VPS13B: variants seen among roughly 807,000 people sequenced by gnomAD.
VPS13B encodes vacuolar protein sorting 13 homolog B, also known as intermembrane lipid transfer protein VPS13B.
A neutral mutation model predicts 426.4 loss-of-function variants in VPS13B; 285 were observed. The observed-to-expected ratio is 0.67, with a 90% CI of 0.61 to 0.74. The LOEUF (loss-of-function observed/expected upper bound fraction) is 0.74, where lower values mean the gene tolerates loss of function less well. Among genes scored for constraint, VPS13B ranks in the 30% least tolerant of loss-of-function variants. The probability of loss-of-function intolerance (pLI) is 0.00; values close to 1 mark genes in which losing one functional copy is unlikely to be tolerated. For synonymous variants in VPS13B, 1,676 were observed against 1,676.4 expected (o/e 1.00, Z 0.01); for missense variants, 4,537 against 4,782.6 (o/e 0.95, Z 1.51).
intron 40 of VPS13B, among the ~76,000 whole-genome samples, chr8:99,770,213 G>T (rs1450867527): frequency 6.6e-6 from 1 of 152,084 alleles, no homozygotes. Flanking sequence ...CTAATGGTTT[G>T]CTTGATCATA....
At chr8:99,733,846 AC>A (rs1006675850) in intron 39 of VPS13B, among the ~76,000 whole-genome samples, 2 of 151,228 alleles carry the variant, frequency 1.3e-5, no homozygotes, top group African/African-American at 4.9e-5. Flanking sequence ...TTTAGCAGCA[AC>A]CTTTTTAGCA....
In VPS13B at chr8:99,766,945, A is replaced by G. The variant is rs1563907974; in HGVS notation, c.7222A>G (p.Ser2408Gly). Residue 2408 changes from serine to glycine, a missense_variant, in exon 40 of 62, where the codon AGT (serine) becomes GGT (glycine). Physicochemically the swap from Ser to Gly is moderately conservative, Grantham distance 56. Transcript: ENST00000357162. ...TCTTTGGAGAATTGTCTTGAACAGC[A>G]GTCAAAATGGAGCTGATGACCAAAG... ...SDLWRIVLNS[S>G]QNGADDQSSA... 6.2e-7 allele frequency: 1 copy of G among 1,613,994 alleles called. No individual in the cohort carries two copies. The highest frequency in any genetic ancestry group is 8.5e-7 in the Non-Finnish European group (1 of 1,179,946).
intron 3 of VPS13B, among the ~76,000 whole-genome samples, chr8:99,070,891 T>G (rs1844820258): frequency 6.6e-6 from 1 of 152,076 alleles, no homozygotes; most frequent in South Asian, 2.1e-4. Flanking sequence ...TGATGCATTC[T>G]TCAGTATGTC....
At chr8:99,507,019 ATGT>A in intron 27 of VPS13B, 115 bp from the exon 28 acceptor site, 1 of 1,034,576 alleles carries the variant, frequency 9.7e-7, no homozygotes, top group Non-Finnish European at 1.5e-6. Flanking sequence ...TGTCAGATTT[ATGT>A]TTTAGTTCAG....
chr8:99,768,288 T>C (rs1485122933), intron 40 of VPS13B, among the ~76,000 whole-genome samples: 1 of 152,122 alleles, frequency 6.6e-6, no homozygotes, highest in Non-Finnish European at 1.5e-5. Context: ...ATTCTGACAG[T>C]AACAGAAAAA....
At chr8:99,686,111 C>T (rs1377577568) in intron 35 of VPS13B, among the ~76,000 whole-genome samples, 2 of 152,182 alleles carry the variant, frequency 1.3e-5, no homozygotes, top group African/African-American at 4.8e-5. Flanking sequence ...CTTGCAGACT[C>T]ACAGTGGTGC....
chr8:99,867,456 G>GAGTA (rs1817166179), intron 58 of VPS13B, among the ~76,000 whole-genome samples: 1 of 152,182 alleles, frequency 6.6e-6, no homozygotes, highest in South Asian at 2.1e-4. Context: ...TCTAAGTGAG[G>GAGTA]AGTAAGTGGC....
chr8:99,592,481 C>G (rs1194355253), intron 33 of VPS13B, among the ~76,000 whole-genome samples: 3 of 151,884 alleles, frequency 2.0e-5, no homozygotes, highest in South Asian at 2.1e-4. Flanking sequence ...TTGATGCTGG[C>G]GACCTACAGA....
At chr8:99,217,169 T>C (rs2132815658) in intron 17 of VPS13B, among the ~76,000 whole-genome samples, 1 of 152,316 alleles carries the variant, frequency 6.6e-6, no homozygotes, top group East Asian at 1.9e-4. Flanking sequence ...GTTTATTCCC[T>C]CTAATAACAT....
chr8:99,031,549 GA>G (rs1563494517), intron 2 of VPS13B, among the ~76,000 whole-genome samples: 1 of 152,222 alleles, frequency 6.6e-6, no homozygotes, highest in East Asian at 1.9e-4. Context: ...GTTTTCGTAG[GA>G]AAAAACTTTT....
chr8:99,734,236 A>G (rs1833722337), intron 39 of VPS13B, among the ~76,000 whole-genome samples: 1 of 152,214 alleles, frequency 6.6e-6, no homozygotes, highest in Non-Finnish European at 1.5e-5. Context: ...ATTGCTTTAT[A>G]TGGATATACC....
chr8:99,234,590 G>C (rs1338876652), intron 17 of VPS13B: 9 of 403,394 alleles, frequency 2.2e-5, no homozygotes, highest in Non-Finnish European at 4.3e-5. Context: ...GTGCTGGCGA[G>C]AGTTGGGTAG....
At chr8:99,704,124 C>A (rs1189760142) in intron 36 of VPS13B, among the ~76,000 whole-genome samples, 8 of 152,106 alleles carry the variant, frequency 5.3e-5, no homozygotes, top group Non-Finnish European at 8.8e-5. Context: ...TGAACTCCTT[C>A]TAGTCAAAGG....
intron 19 of VPS13B, chr8:99,340,885 T>C (rs1811204647): frequency 6.3e-6 from 2 of 315,096 alleles, no homozygotes; most frequent in Non-Finnish European, 1.3e-5. Context: ...TCAGCTGTGG[T>C]TGTCTGACTC....
At chr8:99,336,386 C>T (rs1345010489) in intron 19 of VPS13B, among the ~76,000 whole-genome samples, 10 of 151,990 alleles carry the variant, frequency 6.6e-5, no homozygotes, top group South Asian at 2.1e-4. Flanking sequence ...AAGACTTAAA[C>T]GTTAGACCTA....
At position 99,642,090 on chromosome 8, in the gene VPS13B, T is replaced by G. The variant is rs763526528; in HGVS notation, c.5500T>G (p.Ser1834Ala). 6.2e-7 allele frequency: 1 copy of G among 1,614,068 alleles called. No individual in the cohort carries two copies. The highest frequency in any genetic ancestry group is 2.2e-5 in the East Asian group (1 of 44,874). The change falls in exon 34 of 62, where the codon TCG becomes GCG. Residue 1834 changes from serine to alanine, a missense_variant. Ser to Ala is a moderately conservative substitution (Grantham distance 99). Transcript: ENST00000357162. The part of the protein sequence containing the change: ...MTYSCMALSK[S>A]KSQEQKNNEK... ...CTATTCCTGTATGGCCTTATCCAAA[T>G]CGAAATCACAAGAACAGAAGAATAA...
chr8:99,118,481 A>C (rs1017857275), intron 7 of VPS13B, among the ~76,000 whole-genome samples: 37 of 152,304 alleles, frequency 2.4e-4, no homozygotes, highest in African/African-American at 8.9e-4. Context: ...CAAAACACTC[A>C]TCAAGATATA....
At chr8:99,640,081 GAAAAGAAAAGAAA>G (rs1829288153) in intron 33 of VPS13B, among the ~76,000 whole-genome samples, 1 of 147,424 alleles carries the variant, frequency 6.8e-6, no homozygotes, top group African/African-American at 2.5e-5. Context: ...GAAAAGAAAA[GAAAAGAAAAGAAA>G]AGAAAAGAAA....
At chr8:99,397,406 G>A (rs532836234) in intron 21 of VPS13B, among the ~76,000 whole-genome samples, 3 of 152,294 alleles carry the variant, frequency 2.0e-5, no homozygotes, top group African/African-American at 4.8e-5. Context: ...GCGTTCCAAA[G>A]TGCTGGGATT....
Sources: allele counts gnomAD v4.1 joint callset (sites outside exome capture counted in the v4.1 genomes callset), GRCh38; gene constraint gnomAD v4.1.1; transcripts MANE v1.5; gene names NCBI Gene and HGNC (gene_info 2026-07-23, HGNC 2026-07-21).